Variants in ATXN7L1 observed in about 807,000 individuals in gnomAD.
The protein encoded by ATXN7L1 is ataxin 7 like 1, also known as ataxin-7-like protein 1.
In ATXN7L1, 15 loss-of-function variants were observed where a neutral mutation model predicts 70.8. The ratio of observed to expected loss-of-function variants is 0.21; its 90% CI spans 0.14 to 0.33. The LOEUF is 0.33. Ranked by LOEUF, ATXN7L1 falls within the 10% of genes least tolerant of loss-of-function variation. The pLI, the probability that ATXN7L1 is intolerant of heterozygous loss-of-function variation, is 1.00. For missense variants in ATXN7L1, 975 were observed against 1,097.1 expected (o/e 0.89, Z 1.57); for synonymous variants, 440 against 445.1 (o/e 0.99, Z 0.14).
intron 2 of ATXN7L1, among the ~76,000 whole-genome samples, chr7:105,866,971 CA>C (rs1817578627): frequency 6.6e-6 from 1 of 152,170 alleles, no homozygotes; most frequent in South Asian, 2.1e-4. Context: ...ATGAATGAAA[CA>C]AAATGTCATA....
intron 2 of ATXN7L1, among the ~76,000 whole-genome samples, chr7:105,848,838 A>C (rs182202266): frequency 6.9e-4 from 105 of 152,192 alleles, no homozygotes; most frequent in African/African-American, 2.4e-3. Context: ...CCCAGTGACT[A>C]TTCTTCTAGC....
At chr7:105,616,965 T>G (rs1793989797) in intron 9 of ATXN7L1, among the ~76,000 whole-genome samples, 1 of 152,176 alleles carries the variant, frequency 6.6e-6, no homozygotes, top group African/African-American at 2.4e-5. Flanking sequence ...AAAAGTTATT[T>G]ACAAATACCA....
rs575457328 is a variant in ATXN7L1 at position 105,608,352 on chromosome 7, T to C, written c.2548-462A>G. On this transcript the variant is annotated intron_variant, in intron 11 of 11. Transcript: ENST00000419735. ...GTTACTTGGCTTCTTAGTGTAGCCATCTTCATCTGTAATCATCTTGTCCCT... is the reference window on the plus strand; with the variant it reads ...GTTACTTGGCTTCTTAGTGTAGCCACCTTCATCTGTAATCATCTTGTCCCT... Among the ~76,000 whole-genome samples the C allele has an allele frequency of 4.6e-5, 7 of 152,332 alleles. 1 individual carries two copies. In the East Asian group the frequency reaches 5.8e-4, roughly 13 times the overall value.
intron 3 of ATXN7L1, chr7:105,760,551 G>T (rs1045178522): frequency 1.0e-6 from 1 of 985,824 alleles, no homozygotes; most frequent in Non-Finnish European, 1.2e-6. Context: ...CAGCTATCAC[G>T]TATTAACTGA....
intron 9 of ATXN7L1, among the ~76,000 whole-genome samples, chr7:105,619,556 T>A (rs1794627165): frequency 6.5e-5 from 4 of 61,194 alleles, no homozygotes; most frequent in Non-Finnish European, 9.8e-5. Context: ...TTTTTTTTTT[T>A]TTTTTTTTTT....
At chr7:105,870,834 C>G (rs1476359573) in intron 2 of ATXN7L1, among the ~76,000 whole-genome samples, 1 of 152,166 alleles carries the variant, frequency 6.6e-6, no homozygotes, top group Non-Finnish European at 1.5e-5. Context: ...CTCAGGAAAT[C>G]TGAATGCCTG....
chr7:105,818,782 G>T (rs373049302), intron 2 of ATXN7L1, among the ~76,000 whole-genome samples: 6 of 152,068 alleles, frequency 3.9e-5, no homozygotes, highest in Admixed American at 3.9e-4. Flanking sequence ...ATCCTTTACC[G>T]AAAAACTGGG....
At chr7:105,812,365 G>A (rs1808555890) in intron 2 of ATXN7L1, among the ~76,000 whole-genome samples, 1 of 152,188 alleles carries the variant, frequency 6.6e-6, no homozygotes. Context: ...CTGTTCAGTT[G>A]ATTTCCAAGT....
chr7:105,854,700 G>T (rs1815455082), intron 2 of ATXN7L1, among the ~76,000 whole-genome samples: 1 of 152,112 alleles, frequency 6.6e-6, no homozygotes, highest in Non-Finnish European at 1.5e-5. Context: ...GCTTAATAGT[G>T]ACAGCTTCAT....
At chr7:105,875,322 G>A (rs1270078643) in intron 2 of ATXN7L1, 1 of 160,410 alleles carries the variant, frequency 6.2e-6, no homozygotes, top group Non-Finnish European at 1.4e-5. Context: ...GTGACCAAAT[G>A]CAAAGTGGGC....
Position 105,865,404 on chromosome 7 carries a change from C to CT in ATXN7L1, c.250+10407dup, listed in dbSNP as rs111371346. ...CATAACATAAAATTTACCATTTTAA[C>CT]TTTTTTTTTTTTTTTGAGACAGAGT... On this transcript the variant is annotated intron_variant, in intron 2 of 11. Coordinates refer to ENST00000419735, the MANE Select transcript of ATXN7L1 (RefSeq NM_020725.2). Among the ~76,000 whole-genome samples the CT allele has an allele frequency of 2.1e-3, 309 of 145,032 alleles. 1 individual carries two copies. The highest frequency in any genetic ancestry group is 3.3e-3 in the African/African-American group (131 of 39,646).
chr7:105,755,111 G>A (rs927647086), intron 3 of ATXN7L1, among the ~76,000 whole-genome samples: 7 of 152,144 alleles, frequency 4.6e-5, no homozygotes, highest in African/African-American at 1.7e-4. Flanking sequence ...TGCCCTCATC[G>A]CCGGTTTCCA....
At chr7:105,813,395 T>C (rs965377840) in intron 2 of ATXN7L1, among the ~76,000 whole-genome samples, 2 of 148,150 alleles carry the variant, frequency 1.3e-5, no homozygotes, top group Non-Finnish European at 3.0e-5. Context: ...TGGAGTGCAA[T>C]GGCACAATCT....
chr7:105,721,939 C>T (rs2116302993), intron 3 of ATXN7L1, among the ~76,000 whole-genome samples: 1 of 152,344 alleles, frequency 6.6e-6, no homozygotes, highest in South Asian at 2.1e-4. Flanking sequence ...ATTCCCACCT[C>T]TAAGCTAGTT....
intron 3 of ATXN7L1, among the ~76,000 whole-genome samples, chr7:105,777,647 T>G (rs529082276): frequency 6.6e-6 from 1 of 152,300 alleles, no homozygotes; most frequent in South Asian, 2.1e-4. Flanking sequence ...TTTATCCTTT[T>G]CTCTCCATCT....
chr7:105,681,303 T>G (rs1332507516), intron 3 of ATXN7L1, among the ~76,000 whole-genome samples: 1 of 152,136 alleles, frequency 6.6e-6, no homozygotes, highest in Non-Finnish European at 1.5e-5. Context: ...TGGGCACTAA[T>G]GACTCCAGTC....
At chr7:105,822,401 T>C (rs1188233108) in intron 2 of ATXN7L1, among the ~76,000 whole-genome samples, 2 of 152,244 alleles carry the variant, frequency 1.3e-5, no homozygotes, top group African/African-American at 4.8e-5. Context: ...AGTTGCTTTG[T>C]GGTTTTGTCT....
At chr7:105,872,861 A>G (rs1410162865) in intron 2 of ATXN7L1, among the ~76,000 whole-genome samples, 3 of 151,978 alleles carry the variant, frequency 2.0e-5, no homozygotes, top group Non-Finnish European at 1.5e-5. Context: ...AAACATCAAA[A>G]TCGGAACCAC....
chr7:105,673,781 G>A (rs1273163779), intron 3 of ATXN7L1, among the ~76,000 whole-genome samples: 1 of 152,236 alleles, frequency 6.6e-6, no homozygotes, highest in Non-Finnish European at 1.5e-5. Flanking sequence ...GACTGCATTT[G>A]AGAAACTTGC....
Sources: gnomAD v4.1 joint callset for allele counts (sites outside exome capture counted in the v4.1 genomes callset) on GRCh38, gnomAD v4.1.1 for gene constraint, MANE v1.5 for transcripts, NCBI Gene and HGNC (gene_info 2026-07-23, HGNC 2026-07-21) for gene names.